The following FAM53A variants were observed in gnomAD, a reference collection of about 807,000 sequenced individuals.
FAM53A encodes the protein protein FAM53A.
Under a neutral mutation model 26.6 loss-of-function variants are expected in FAM53A, and 28 were observed. The ratio of observed to expected loss-of-function variants is 1.05; its 90% confidence interval spans 0.78 to 1.45. The LOEUF (loss-of-function observed/expected upper bound fraction) is 1.45. Ranked by LOEUF, FAM53A falls within the 40% of genes most tolerant of loss-of-function variation. The pLI is 0.00. For missense variants in FAM53A, 650 were observed against 575.8 expected, an observed-to-expected ratio of 1.13 and a Z score of -1.32; for synonymous variants, 290 against 253.1, an observed-to-expected ratio of 1.15 and a Z score of -1.38.
At chr4:1,607,981 A>G in the FAM53A span, among the ~76,000 whole-genome samples, 2 of 150,274 alleles carry the variant, frequency 1.3e-5, no homozygotes, top group East Asian at 1.9e-4. Flanking sequence ...ATGTGGTAGC[A>G]CGAGCCTGTA....
chr4:1,642,991 A>G (rs1416173156), intron 4 of FAM53A, among the ~76,000 whole-genome samples: 2 of 152,200 alleles, frequency 1.3e-5, no homozygotes, highest in African/African-American at 2.4e-5. Context: ...CTAGAGCACA[A>G]GCTCACCAAT....
chr4:1,671,624 G>A (rs936714637), intron 1 of FAM53A, among the ~76,000 whole-genome samples: 1 of 151,876 alleles, frequency 6.6e-6, no homozygotes, highest in African/African-American at 2.4e-5. Flanking sequence ...GCCACGGCCC[G>A]GACTCACCTC....
chr4:1,683,967 T>G (rs964753908), intron 1 of FAM53A: 1 of 151,900 alleles, frequency 6.6e-6, no homozygotes, highest in African/African-American at 2.4e-5. Flanking sequence ...CCACGGCGAC[T>G]CCCCGCCTCT....
the FAM53A span, among the ~76,000 whole-genome samples, chr4:1,597,822 G>T: frequency 3.3e-5 from 5 of 152,196 alleles, no homozygotes; most frequent in African/African-American, 1.2e-4. Context: ...ATGGTGAAAC[G>T]CCATCTCTAC....
chr4:1,609,961 T>A, the FAM53A span, among the ~76,000 whole-genome samples: 3 of 151,920 alleles, frequency 2.0e-5, no homozygotes, highest in South Asian at 6.3e-4. Context: ...TTTGTCTCAA[T>A]AAATAAATAA....
chr4:1,681,728 C>G (rs1715455405), intron 1 of FAM53A, among the ~76,000 whole-genome samples: 1 of 151,676 alleles, frequency 6.6e-6, no homozygotes, highest in African/African-American at 2.4e-5. Flanking sequence ...GTCTCCAACT[C>G]CTGGGCTCAA....
At chr4:1,646,162 G>A (rs113253969) in intron 4 of FAM53A, among the ~76,000 whole-genome samples, 2,199 of 151,884 alleles carry the variant, frequency 0.014, 43 homozygotes, top group African/African-American at 0.051. Context: ...GTGCAGTGGC[G>A]CGGTCTCGGC....
At chr4:1,647,010 T>C (rs1216563177) in intron 4 of FAM53A, among the ~76,000 whole-genome samples, 8 of 152,190 alleles carry the variant, frequency 5.3e-5, no homozygotes, top group African/African-American at 9.7e-5. Context: ...CTTTGAAACA[T>C]AGCTTTGCCA....
chr4:1,577,102 G>C, the FAM53A span, among the ~76,000 whole-genome samples: 80 of 152,294 alleles, frequency 5.3e-4, no homozygotes, highest in Middle Eastern at 3.4e-3. Flanking sequence ...TCCCGCACCA[G>C]GGTGTTGGGT....
chr4:1,625,114 G>A (rs1457279128), intron 1 of FAM53A, among the ~76,000 whole-genome samples: 24 of 77,090 alleles, frequency 3.1e-4, no homozygotes, highest in African/African-American at 1.0e-3. Flanking sequence ...CCCACGTCCC[G>A]ACCCACGTGG....
chr4:1,645,737 C>A (rs983427312), intron 4 of FAM53A, among the ~76,000 whole-genome samples: 1 of 152,266 alleles, frequency 6.6e-6, no homozygotes, highest in African/African-American at 2.4e-5. Context: ...CCTCTGACCA[C>A]CCTGGGCATG....
At chr4:1,635,670 C>T (rs889515713), downstream of FAM53A, among the ~76,000 whole-genome samples, 128 of 152,132 alleles carry the variant, frequency 8.4e-4, no homozygotes, top group African/African-American at 3.0e-3. Context: ...ACGGATCTGC[C>T]GCGCCCACTG....
rs1157236274 is a variant in FAM53A at position 1,640,413 on chromosome 4, A to C, written c.*880T>G. 5 of 271,518 alleles carry C rather than the reference A, an allele frequency of 1.8e-5. No homozygotes were observed. In the East Asian group the frequency reaches 5.2e-4, roughly 28 times the overall value. The allele number at this position is 271,518 out of a possible 1,614,324, so 16.8% of individuals were successfully genotyped here. A position where few individuals can be genotyped will look rare whatever the true frequency, so the allele number is the denominator to read the frequency against. Reference sequence around the variant, plus strand: ...GGTTTCCTAGCAACTAAAGCACACAAGGCGCCCTGCACAGCAGGCCTTTCG... The same window carrying C: ...GGTTTCCTAGCAACTAAAGCACACACGGCGCCCTGCACAGCAGGCCTTTCG... On this transcript the variant is annotated 3_prime_UTR_variant, in exon 5 of 5. Transcript: ENST00000308132.
At chr4:1,595,243 C>T in the FAM53A span, among the ~76,000 whole-genome samples, 2 of 152,356 alleles carry the variant, frequency 1.3e-5, 1 homozygote, top group Middle Eastern at 6.8e-3. Context: ...AGGGCCCCAG[C>T]AGCAGGGGTG....
rs77743265 is a variant in FAM53A, at chr4:1,676,126, A to C, written c.-164-7221T>G. On this transcript the variant is annotated intron_variant, in intron 1 of 4. Transcript: ENST00000308132. Reference sequence around the variant, plus strand: ...CATGAATTAGCTTCCTATAACCAAGAATCACAAAGTGGTGGCTTAGGACAG... The same window carrying C: ...CATGAATTAGCTTCCTATAACCAAGCATCACAAAGTGGTGGCTTAGGACAG... Among the ~76,000 whole-genome samples the C allele has an allele frequency of 9.8e-3, 1,487 of 152,344 alleles. 28 individuals carry two copies. Among genetic ancestry groups the C allele is most frequent in the African/African-American group, 0.034 (1,418 of 41,576 alleles).
At chr4:1,676,040 G>C (rs556438254) in intron 1 of FAM53A, among the ~76,000 whole-genome samples, 1 of 152,258 alleles carries the variant, frequency 6.6e-6, no homozygotes, top group South Asian at 2.1e-4. Context: ...AAGCAGGTTC[G>C]ATTTTTCTGT....
At chr4:1,628,122 C>T (rs565733549) in intron 1 of FAM53A, among the ~76,000 whole-genome samples, 3 of 16,820 alleles carry the variant, frequency 1.8e-4, no homozygotes, top group African/African-American at 9.0e-4. Flanking sequence ...AGGGCACGCA[C>T]GTGGGCAGGG....
chr4:1,649,402 C>T (rs1469927047), intron 4 of FAM53A, among the ~76,000 whole-genome samples: 1 of 152,252 alleles, frequency 6.6e-6, no homozygotes, highest in South Asian at 2.1e-4. Context: ...CCACAAGCAC[C>T]GTTTCTGACC....
the FAM53A span, among the ~76,000 whole-genome samples, chr4:1,597,814 G>A: frequency 6.6e-6 from 1 of 152,368 alleles, no homozygotes; most frequent in African/African-American, 2.4e-5. Context: ...TGGCCACCAT[G>A]GTGAAACGCC....
Sources: gnomAD v4.1 joint callset for allele counts (sites outside exome capture counted in the v4.1 genomes callset) on GRCh38, gnomAD v4.1.1 for gene constraint, MANE v1.5 for transcripts, NCBI Gene and HGNC (gene_info 2026-07-23, HGNC 2026-07-21) for gene names.